TENM2: variants seen among roughly 807,000 people sequenced by gnomAD.
The protein encoded by TENM2 is teneurin transmembrane protein 2, also known as teneurin-2.
A neutral mutation model predicts 245.2 loss-of-function variants in TENM2; 52 were observed. That is an observed-to-expected ratio of 0.21 (90% CI 0.17 to 0.27). The LOEUF is 0.27. Ranked by LOEUF, TENM2 falls within the 10% of genes least tolerant of loss-of-function variation. The probability of loss-of-function intolerance (pLI) is 1.00; values close to 1 mark genes in which losing one functional copy is unlikely to be tolerated. For synonymous variants in TENM2, 1,363 were observed against 1,438.9 expected (o/e 0.95, Z 1.19); for missense variants, 3,046 against 3,666.8 (o/e 0.83, Z 4.37).
chr5:167,077,535 A>G, the TENM2 span, among the ~76,000 whole-genome samples: 3 of 152,212 alleles, frequency 2.0e-5, no homozygotes. Flanking sequence ...AAATAATGAG[A>G]TTATTCTAGA....
intron 13 of TENM2, among the ~76,000 whole-genome samples, chr5:168,179,690 A>C (rs1171459940): frequency 6.6e-6 from 1 of 152,190 alleles, no homozygotes; most frequent in East Asian, 1.9e-4. Context: ...AGAGTGCAGC[A>C]AACAGGGTCC....
intron 2 of TENM2, among the ~76,000 whole-genome samples, chr5:167,706,271 T>C (rs1488628433): frequency 6.9e-6 from 1 of 144,452 alleles, no homozygotes; most frequent in Non-Finnish European, 1.5e-5. Flanking sequence ...TGCTGTGATA[T>C]ATATTATGAT....
rs537866621 is a variant in TENM2 at position 168,218,431 on chromosome 5, G to C, written c.4540G>C (p.Ala1514Pro). The change falls in exon 23 of 29, where the codon GCT becomes CCT. Residue 1514 changes from alanine to proline, a missense_variant. This residue lies in a region of TENM2 where 2,704 missense variants were observed against 3,331.9 expected (regional missense o/e 0.81). Coordinates refer to ENST00000518659, the Ensembl canonical transcript of TENM2. This position sits in a 1 kb window ranked among gnomAD's most constrained non-coding sequence, Gnocchi z 5.2. ...AACCAACGGGGAGATCTGCCTTTTA[G>C]CTGGGGCAGCCTCGGACTGCGACTG... 6.2e-7 allele frequency: 1 copy of C among 1,614,046 alleles called. No individual in the cohort carries two copies. Among genetic ancestry groups the C allele is most frequent in the East Asian group, 2.2e-5 (1 of 44,884 alleles).
intron 19 of TENM2, among the ~76,000 whole-genome samples, chr5:168,206,368 C>T (rs1051102419): frequency 3.9e-5 from 6 of 152,172 alleles, no homozygotes; most frequent in East Asian, 1.9e-4. Flanking sequence ...AGCATGGAGG[C>T]GAGCCAGGCA....
chr5:168,128,954 C>A (rs1754314551), intron 12 of TENM2: 1 of 121,036 alleles, frequency 8.3e-6, no homozygotes. Context: ...CTTGTGTGGC[C>A]CGTTATGGGA....
intron 4 of TENM2, among the ~76,000 whole-genome samples, chr5:167,987,729 A>C (rs1289468200): frequency 1.3e-5 from 2 of 152,066 alleles, no homozygotes; most frequent in African/African-American, 2.4e-5. Context: ...AAACAGTACA[A>C]ATTCCTGGGA....
intron 1 of TENM2, among the ~76,000 whole-genome samples, chr5:167,342,157 AT>A (rs1303005232): frequency 6.6e-6 from 1 of 151,996 alleles, no homozygotes; most frequent in Non-Finnish European, 1.5e-5. Context: ...GATTTCCTCA[AT>A]TTTTCTCTAA....
Position 168,112,606 on chromosome 5 carries a change from C to CGGGT in TENM2, c.1814-5683_1814-5682insTGGG, listed in dbSNP as rs1554199701. Reference sequence around the variant, plus strand: ...ATTTTTGAATACAGTGTGCAGTGGGCGGGGGGGGGGTCAAACTTTATTACT... The same window carrying CGGGT: ...ATTTTTGAATACAGTGTGCAGTGGGCGGGTGGGGGGGGGGTCAAACTTTATTACT... On this transcript the variant is annotated intron_variant, in intron 9 of 28. Transcript: ENST00000518659. Among the ~76,000 whole-genome samples the CGGGT allele has an allele frequency of 1.2e-4, 8 of 64,112 alleles. No individual in the cohort carries two copies. In the South Asian group the frequency reaches 4.9e-3, roughly 39 times the overall value. The allele number at this position is 64,112 out of a possible 152,430, so 42.1% of individuals were successfully genotyped here. A position where few individuals can be genotyped will look rare whatever the true frequency, so the allele number is the denominator to read the frequency against.
chr5:167,033,929 A>G, the TENM2 span, among the ~76,000 whole-genome samples: 36 of 152,346 alleles, frequency 2.4e-4, no homozygotes, highest in African/African-American at 8.4e-4. Flanking sequence ...AGAAATACTA[A>G]TGCTGCACAT....
At chr5:167,769,624 C>G (rs767962163) in intron 2 of TENM2, among the ~76,000 whole-genome samples, 15 of 152,142 alleles carry the variant, frequency 9.9e-5, no homozygotes, top group Non-Finnish European at 1.8e-4. Context: ...TTGTAAGTAT[C>G]GTATTCCATT....
chr5:167,946,487 T>C (rs1779633634), intron 3 of TENM2, among the ~76,000 whole-genome samples: 1 of 152,138 alleles, frequency 6.6e-6, no homozygotes, highest in Non-Finnish European at 1.5e-5. Context: ...ATCCGTGAGG[T>C]GGTGCAGAGC....
intron 2 of TENM2, among the ~76,000 whole-genome samples, chr5:167,837,654 A>T (rs767088414): frequency 4.6e-5 from 7 of 152,210 alleles, no homozygotes; most frequent in African/African-American, 1.7e-4. Flanking sequence ...CCATATTCTT[A>T]TTTGCACAGT....
In TENM2 at chr5:167,284,862, C is replaced by T. The variant is rs927787947; in HGVS notation, c.25C>T (p.Arg9Cys). Residue 9 changes from arginine (R) to cysteine (C), a missense_variant, in exon 1 of 29, where the codon CGC (arginine) becomes TGC (cysteine). Physicochemically the swap from Arg to Cys is radical, Grantham distance 180. Coordinates refer to ENST00000518659, the Ensembl canonical transcript of TENM2. ...AATGGATGTAAAGGACCGGCGACAC[C>T]GCTCTTTGACCAGAGGACGCTGTGG... 1.1e-5 allele frequency: 17 copies of T among 1,551,494 alleles called. No homozygotes were observed. The Admixed American group carries it at 1.4e-4, about 13-fold the overall frequency.
intron 2 of TENM2, among the ~76,000 whole-genome samples, chr5:167,628,237 C>A (rs1778641836): frequency 6.6e-6 from 1 of 152,134 alleles, no homozygotes; most frequent in African/African-American, 2.4e-5. Context: ...TAAAGCTGGT[C>A]AGTGACGTCT....
intron 6 of TENM2, among the ~76,000 whole-genome samples, chr5:168,058,705 G>A (rs990514985): frequency 6.6e-6 from 1 of 152,152 alleles, no homozygotes; most frequent in Non-Finnish European, 1.5e-5. Flanking sequence ...TATATTGCAT[G>A]TGCCCACACT....
At position 168,247,012 on chromosome 5, in the gene TENM2, C is replaced by T. The variant is rs1481499605; in HGVS notation, c.6073C>T (p.Leu2025Phe). 6.2e-7 allele frequency: 1 copy of T among 1,613,904 alleles called. No individual in the cohort carries two copies. Among genetic ancestry groups the T allele is most frequent in the Admixed American group, 1.7e-5 (1 of 60,002 alleles). Residue 2025 changes from leucine (L) to phenylalanine (F), a missense_variant, in exon 27 of 29, where the codon CTC (leucine) becomes TTC (phenylalanine). This residue lies in a region of TENM2 where 2,704 missense variants were observed against 3,331.9 expected (regional missense o/e 0.81). Coordinates refer to ENST00000518659, the Ensembl canonical transcript of TENM2. This position sits in a 1 kb window ranked among gnomAD's most constrained non-coding sequence, Gnocchi z 7.8. The stretch of plus-strand genomic sequence containing the variant: ...CCAGGTGTTCTACAAGTATGGGAAA[C>T]TCTCCAAGTTATCAGAGATTGTCTA...
chr5:167,006,546 T>C, the TENM2 span, among the ~76,000 whole-genome samples: 1 of 152,182 alleles, frequency 6.6e-6, no homozygotes, highest in Admixed American at 6.5e-5. Context: ...TCAGGAGAAA[T>C]GCATTTTTCT....
At chr5:167,173,441 T>C in the TENM2 span, among the ~76,000 whole-genome samples, 1 of 152,190 alleles carries the variant, frequency 6.6e-6, no homozygotes, top group Non-Finnish European at 1.5e-5. Flanking sequence ...CTAGGCTACC[T>C]GTGTGGATAA....
chr5:167,511,515 A>C (rs981808609), intron 2 of TENM2, among the ~76,000 whole-genome samples: 1 of 152,208 alleles, frequency 6.6e-6, no homozygotes, highest in Non-Finnish European at 1.5e-5. Context: ...CTTTTGTCAT[A>C]CAAATAGTTG....
Sources: gnomAD v4.1 joint callset for allele counts (sites outside exome capture counted in the v4.1 genomes callset) on GRCh38, gnomAD v4.1.1 for gene constraint, gnomAD v4.1.1 regional missense constraint, Gnocchi (gnomAD v3.1) non-coding constraint, MANE v1.5 for transcripts, NCBI Gene and HGNC (gene_info 2026-07-23, HGNC 2026-07-21) for gene names.